The following SMYD3 variants were observed in gnomAD, a reference collection of about 807,000 sequenced individuals.
The protein encoded by SMYD3 is histone-lysine N-methyltransferase SMYD3.
A neutral mutation model predicts 57.7 loss-of-function variants in SMYD3; 36 were observed. The ratio of observed to expected loss-of-function variants is 0.62; its 90% CI spans 0.48 to 0.82. The LOEUF is 0.82. Among genes scored for constraint, SMYD3 ranks in the 40% least tolerant of loss-of-function variants. The pLI, the probability that SMYD3 is intolerant of heterozygous loss-of-function variation, is 0.00. For missense variants in SMYD3, 515 were observed against 538.8 expected (o/e 0.96, Z 0.44); for synonymous variants, 211 against 195.0 (o/e 1.08, Z -0.68).
intron 10 of SMYD3, among the ~76,000 whole-genome samples, chr1:245,787,072 G>C (rs1027119208): frequency 2.0e-5 from 3 of 152,188 alleles, no homozygotes; most frequent in Non-Finnish European, 4.4e-5. Context: ...GTTCATTAGA[G>C]CGGTATCTTT....
In SMYD3 at chr1:246,444,719, T is replaced by G. The variant is rs1291699624; in HGVS notation, c.164+62335A>C. Among the ~76,000 whole-genome samples the G allele has an allele frequency of 7.2e-5, 11 of 152,296 alleles. No homozygotes were observed. In the East Asian group the frequency reaches 1.4e-3, roughly 19 times the overall value. On this transcript the variant is annotated intron_variant, in intron 1 of 11. Transcript: ENST00000490107. ...TGAAAAGTCTCCATGAATCCCGAAG[T>G]GTATATATACACCCACTTTAAAGAC... is the stretch of plus-strand genomic sequence containing the variant.
chr1:245,749,880 T>C (rs1225769681), intron 11 of SMYD3, among the ~76,000 whole-genome samples: 1 of 152,168 alleles, frequency 6.6e-6, no homozygotes, highest in Non-Finnish European at 1.5e-5. Flanking sequence ...GACTCACTAT[T>C]CGAGTCATGC....
chr1:246,186,649 C>T (rs1026260679), intron 5 of SMYD3: 6 of 682,934 alleles, frequency 8.8e-6, no homozygotes, highest in African/African-American at 1.9e-5. Context: ...ATATCAGCCC[C>T]AAAACTAAGA....
intron 1 of SMYD3, among the ~76,000 whole-genome samples, chr1:246,459,512 C>T (rs4654261): frequency 0.54 from 78,210 of 144,362 alleles, 20,417 homozygotes; most frequent in Middle Eastern, 0.72. Flanking sequence ...TTTGAAAGTG[C>T]GTGGCACGTC....
chr1:245,766,250 A>C (rs1291637485), intron 10 of SMYD3, among the ~76,000 whole-genome samples: 1 of 151,940 alleles, frequency 6.6e-6, no homozygotes, highest in African/African-American at 2.4e-5. Context: ...TAAAAATACA[A>C]AATTTAGCTG....
intron 8 of SMYD3, among the ~76,000 whole-genome samples, chr1:245,884,438 T>C (rs9661382): frequency 1 from 151,853 of 152,218 alleles, 75,747 homozygotes; most frequent in Middle Eastern, 1. Flanking sequence ...GTGAAATGCA[T>C]GGGGGTTTTT....
intron 10 of SMYD3, among the ~76,000 whole-genome samples, chr1:245,810,776 TTTTCAAAG>T (rs2048422367): frequency 8.2e-5 from 1 of 12,176 alleles, no homozygotes; most frequent in Non-Finnish European, 1.4e-3. Context: ...AAAGACGCAC[TTTTCAAAG>T]AATTCCCCAA....
rs149343198 is a variant in SMYD3, at chr1:246,294,312, A to G, written c.531+32889T>C. ...ACAATTACAGAAGCAACCAGGGCCC[A>G]CTATGTTGCAGAGTTAGCTTTAGCA... On this transcript the variant is annotated intron_variant, in intron 5 of 11. Transcript: ENST00000490107. Among the ~76,000 whole-genome samples, 519 of 152,302 alleles carry G rather than the reference A, an allele frequency of 3.4e-3. 3 individuals are homozygous for G. The highest frequency in any genetic ancestry group is 0.011 in the African/African-American group (461 of 41,564).
At chr1:246,117,629 C>T (rs1277882672) in intron 5 of SMYD3, among the ~76,000 whole-genome samples, 1 of 152,214 alleles carries the variant, frequency 6.6e-6, no homozygotes, top group African/African-American at 2.4e-5. Flanking sequence ...CACTCTCTCT[C>T]TCTCCCTTCA....
chr1:246,215,412 C>T (rs774448952), intron 5 of SMYD3, among the ~76,000 whole-genome samples: 1 of 151,894 alleles, frequency 6.6e-6, no homozygotes, highest in Non-Finnish European at 1.5e-5. Context: ...GTCAGCACAC[C>T]CATATTTCTT....
At chr1:246,352,698 T>C (rs777040327) in intron 2 of SMYD3, among the ~76,000 whole-genome samples, 1 of 152,160 alleles carries the variant, frequency 6.6e-6, no homozygotes, top group Non-Finnish European at 1.5e-5. Flanking sequence ...TAAAAACACA[T>C]GCACTACAGG....
chr1:246,083,288 G>A (rs1012530219), intron 5 of SMYD3, among the ~76,000 whole-genome samples: 7 of 150,132 alleles, frequency 4.7e-5, no homozygotes, highest in East Asian at 2.0e-4. Context: ...TGGGACATGC[G>A]GGCAGCAATA....
chr1:245,909,850 T>TTACTTAATTG (rs2054839941), intron 8 of SMYD3, among the ~76,000 whole-genome samples: 1 of 152,184 alleles, frequency 6.6e-6, no homozygotes, highest in East Asian at 1.9e-4. Flanking sequence ...AACCCCAAGC[T>TTACTTAATTG]AGCATCACAC....
chr1:246,275,025 T>A (rs947832943), intron 5 of SMYD3, among the ~76,000 whole-genome samples: 51 of 152,130 alleles, frequency 3.4e-4, no homozygotes, highest in African/African-American at 1.2e-3. Context: ...ATAGGCAGAT[T>A]TTTTTTGAGA....
At chr1:245,990,684 T>TA (rs1360073315) in intron 5 of SMYD3, among the ~76,000 whole-genome samples, 2 of 152,230 alleles carry the variant, frequency 1.3e-5, no homozygotes, top group African/African-American at 4.8e-5. Flanking sequence ...GAGTGGCCTC[T>TA]AGAAGCTGGA....
intron 10 of SMYD3, among the ~76,000 whole-genome samples, chr1:245,767,459 C>T (rs1415361991): frequency 6.6e-6 from 1 of 152,134 alleles, no homozygotes; most frequent in African/African-American, 2.4e-5. Flanking sequence ...AGCCACCTGA[C>T]CAGGGCACAG....
In SMYD3 at chr1:246,023,000, G is replaced by A. The variant is rs2059499864; in HGVS notation, c.532-93063C>T. Among the ~76,000 whole-genome samples the A allele has an allele frequency of 1.3e-5, 2 of 152,176 alleles. 1 individual carries two copies. Among genetic ancestry groups the A allele is most frequent in the Middle Eastern group, 6.3e-3 (2 of 316 alleles). On this transcript the variant is annotated intron_variant, in intron 5 of 11. Transcript: ENST00000490107. ...AAAGAGTGAGATCACTTGTTAGACT[G>A]TACGATTTTTAAGCATCAATAAAGT...
intron 1 of SMYD3, among the ~76,000 whole-genome samples, chr1:246,360,772 A>G (rs918638415): frequency 1.3e-5 from 2 of 152,136 alleles, no homozygotes; most frequent in African/African-American, 4.8e-5. Context: ...CTGGATCCTC[A>G]TCTCTCACCT....
intron 10 of SMYD3, among the ~76,000 whole-genome samples, chr1:245,778,958 G>C (rs754693249): frequency 3.3e-5 from 5 of 151,976 alleles, no homozygotes; most frequent in Admixed American, 6.6e-5. Flanking sequence ...CCAGGAGTTC[G>C]AGACCAGCCT....
Sources: allele counts gnomAD v4.1 joint callset (sites outside exome capture counted in the v4.1 genomes callset), GRCh38; gene constraint gnomAD v4.1.1; transcripts MANE v1.5; gene names NCBI Gene and HGNC (gene_info 2026-07-23, HGNC 2026-07-21).